The following ADTRP variants were observed in gnomAD, a reference collection of about 807,000 sequenced individuals.
ADTRP encodes the protein androgen-dependent TFPI-regulating protein.
Under a neutral mutation model 27.0 loss-of-function variants are expected in ADTRP, and 20 were observed. The ratio of observed to expected loss-of-function variants is 0.74; its 90% confidence interval spans 0.52 to 1.08. The LOEUF (loss-of-function observed/expected upper bound fraction) is 1.08. Ranked by LOEUF, ADTRP falls within the 50% of genes least tolerant of loss-of-function variation. The pLI, the probability that ADTRP is intolerant of heterozygous loss-of-function variation, is 0.00. For synonymous variants in ADTRP, 101 were observed against 105.2 expected (o/e 0.96, Z 0.25); for missense variants, 251 against 275.0 (o/e 0.91, Z 0.62).
chr6:11,734,223 T>A (rs1762474232), intron 4 of ADTRP, among the ~76,000 whole-genome samples: 1 of 152,250 alleles, frequency 6.6e-6, no homozygotes, highest in Non-Finnish European at 1.5e-5. Context: ...TTTAGGGATA[T>A]ATTCCTTTGT....
intron 4 of ADTRP, among the ~76,000 whole-genome samples, chr6:11,726,716 G>T (rs975894655): frequency 6.6e-6 from 1 of 152,220 alleles, no homozygotes; most frequent in African/African-American, 2.4e-5. Flanking sequence ...AAGTTCTGGA[G>T]ATGGATGGTG....
At chr6:11,760,072 C>G (rs908411521) in intron 3 of ADTRP, among the ~76,000 whole-genome samples, 1 of 152,186 alleles carries the variant, frequency 6.6e-6, no homozygotes, top group African/African-American at 2.4e-5. Flanking sequence ...GACCTCCAAA[C>G]GTTAAGATAA....
rs749361328 is a variant in ADTRP, at chr6:11,714,516, T to C, written c.659-4A>G. ...TTCCGTGGCTGCCTCATGTCACCTG[T>C]ACAAACAAGAACAGAGACAGACCTC... On this transcript the variant is annotated splice_polypyrimidine_tract_variant and splice_region_variant and intron_variant, in intron 5 of 5. Transcript: ENST00000414691. 1 of 1,613,280 alleles carries C rather than the reference T, an allele frequency of 6.2e-7. No individual in the cohort carries two copies. Among genetic ancestry groups the C allele is most frequent in the Non-Finnish European group, 8.5e-7 (1 of 1,179,748 alleles).
intron 1 of ADTRP, chr6:11,770,175 C>A: frequency 8.1e-7 from 1 of 1,233,658 alleles, no homozygotes. Flanking sequence ...ACAATTATCT[C>A]CAGGTGGGAG....
intron 5 of ADTRP, among the ~76,000 whole-genome samples, chr6:11,722,433 T>C (rs1248127259): frequency 6.6e-6 from 1 of 152,158 alleles, no homozygotes; most frequent in Non-Finnish European, 1.5e-5. Flanking sequence ...GGGCGGAAGA[T>C]GGCACTTCTG....
In ADTRP at chr6:11,735,802, G is replaced by A. The variant is rs1427044999; in HGVS notation, c.391-119C>T. On this transcript the variant is annotated intron_variant, in intron 3 of 5. Coordinates refer to ENST00000414691, the MANE Select transcript of ADTRP (RefSeq NM_032744.4). ...CACACTGCTAGATGAAGCTTTCCAG[G>A]TCATGCTCCCTAGATGCCCAAGGAC... The A allele has an allele frequency of 5.7e-6, 4 of 700,312 alleles. No individual in the cohort carries two copies. In the Admixed American group the frequency reaches 9.5e-5, roughly 17 times the overall value. 43.4% of individuals were successfully genotyped at this position (700,312 alleles called of 1,614,324 possible).
At chr6:11,732,224 G>C (rs912281032) in intron 4 of ADTRP, among the ~76,000 whole-genome samples, 2 of 152,198 alleles carry the variant, frequency 1.3e-5, no homozygotes, top group Non-Finnish European at 2.9e-5. Context: ...ACTATTTTTA[G>C]GTCATTTGAA....
intron 4 of ADTRP, among the ~76,000 whole-genome samples, chr6:11,734,265 T>C (rs530999829): frequency 5.3e-5 from 8 of 152,240 alleles, no homozygotes; most frequent in Non-Finnish European, 1.2e-4. Context: ...ACATAGCATA[T>C]ATCTTACCAC....
intron 3 of ADTRP, among the ~76,000 whole-genome samples, chr6:11,742,236 C>T (rs1258435327): frequency 6.6e-6 from 1 of 152,182 alleles, no homozygotes; most frequent in Non-Finnish European, 1.5e-5. Context: ...TCTCAGCAGG[C>T]TCCCTCCCTT....
intron 4 of ADTRP, among the ~76,000 whole-genome samples, chr6:11,727,028 C>CTT (rs1306210674): frequency 6.6e-6 from 1 of 152,102 alleles, no homozygotes; most frequent in African/African-American, 2.4e-5. Flanking sequence ...TATTAGAATT[C>CTT]TTTTTCTTTT....
chr6:11,736,180 G>A (rs1011990247), intron 3 of ADTRP: 48 of 162,132 alleles, frequency 3.0e-4, no homozygotes, highest in Admixed American at 2.9e-3. Context: ...GTGCTGGCTT[G>A]GCGGCTTGGC....
chr6:11,752,634 T>G (rs769702275), intron 3 of ADTRP, among the ~76,000 whole-genome samples: 3 of 152,238 alleles, frequency 2.0e-5, no homozygotes, highest in Non-Finnish European at 2.9e-5. Context: ...TCTCAGCTAC[T>G]CGCAGGATGA....
intron 3 of ADTRP, among the ~76,000 whole-genome samples, chr6:11,739,818 G>C (rs186079533): frequency 6.6e-6 from 1 of 152,128 alleles, no homozygotes; most frequent in African/African-American, 2.4e-5. Flanking sequence ...ACATGGATCC[G>C]ACAGGTCTTT....
intron 4 of ADTRP, among the ~76,000 whole-genome samples, chr6:11,732,961 C>CAA (rs1250049198): frequency 6.6e-6 from 1 of 152,214 alleles, no homozygotes; most frequent in Non-Finnish European, 1.5e-5. Context: ...AGTGGAAAGA[C>CAA]AACTGGATTT....
At chr6:11,770,005 A>C (rs1561775244) in intron 1 of ADTRP, 2 of 1,551,234 alleles carry the variant, frequency 1.3e-6, no homozygotes, top group Non-Finnish European at 1.7e-6. Context: ...CCCGCCCACC[A>C]CCATTTTACA....
chr6:11,756,888 GC>G (rs1763230017), intron 3 of ADTRP, among the ~76,000 whole-genome samples: 1 of 152,150 alleles, frequency 6.6e-6, no homozygotes, highest in African/African-American at 2.4e-5. Flanking sequence ...AGAGATTGAG[GC>G]ATTTCAGCTC....
chr6:11,717,154 TATAA>T lies in ADTRP; in HGVS notation c.659-2646_659-2643del, dbSNP rs530213224. 2,748 of 812,236 alleles carry T rather than the reference TATAA, an allele frequency of 3.4e-3. 18 individuals carry two copies. The Middle Eastern group carries it at 0.045, about 13-fold the overall frequency. The allele number at this position is 812,236 out of a possible 1,614,324, so 50.3% of individuals were successfully genotyped here. ...GTTGTAATTGGAAAATTATGTTTAT[TATAA>T]ATATTTTCTTGATTGAGAAGCATTT... On this transcript the variant is annotated intron_variant, in intron 5 of 5. Transcript: ENST00000414691.
chr6:11,760,133 A>G (rs774080070), intron 3 of ADTRP, among the ~76,000 whole-genome samples: 18 of 152,204 alleles, frequency 1.2e-4, no homozygotes, highest in African/African-American at 2.9e-4. Context: ...TGTAATAGCA[A>G]CAAGCACACT....
chr6:11,757,789 G>A (rs991906404), intron 3 of ADTRP, among the ~76,000 whole-genome samples: 1 of 152,224 alleles, frequency 6.6e-6, no homozygotes, highest in African/African-American at 2.4e-5. Context: ...AGCTGAAGAA[G>A]GCATGGAGTA....
Sources: allele counts gnomAD v4.1 joint callset (sites outside exome capture counted in the v4.1 genomes callset), GRCh38; gene constraint gnomAD v4.1.1; transcripts MANE v1.5; gene names NCBI Gene and HGNC (gene_info 2026-07-23, HGNC 2026-07-21).